The following DPP6 variants were observed in gnomAD, a reference collection of about 807,000 sequenced individuals.
DPP6 encodes dipeptidyl peptidase like 6, also known as A-type potassium channel modulatory protein DPP6.
A neutral mutation model predicts 122.6 loss-of-function variants in DPP6; 69 were observed. That is an observed-to-expected ratio of 0.56 (90% CI 0.46 to 0.69). DPP6 has a LOEUF of 0.69. DPP6 is among the 30% of genes least tolerant of loss of function. The pLI, the probability that DPP6 is intolerant of heterozygous loss-of-function variation, is 0.00. For missense variants in DPP6, 928 were observed against 1,116.9 expected, an observed-to-expected ratio of 0.83 and a Z score of 2.41; for synonymous variants, 418 against 433.1, an observed-to-expected ratio of 0.97 and a Z score of 0.43.
chr7:154,579,249 C>T (rs559202982), intron 5 of DPP6, among the ~76,000 whole-genome samples: 115 of 152,028 alleles, frequency 7.6e-4, no homozygotes, highest in Admixed American at 2.6e-3. Flanking sequence ...CTCAGGAGAC[C>T]GAGACAGGAG....
intron 1 of DPP6, among the ~76,000 whole-genome samples, chr7:154,326,486 A>C (rs1317338932): frequency 1.3e-5 from 2 of 152,202 alleles, no homozygotes; most frequent in African/African-American, 4.8e-5. Flanking sequence ...ATGCGATATG[A>C]ATATGATATG....
chr7:153,963,405 G>A (rs376218366), intron 1 of DPP6, among the ~76,000 whole-genome samples: 2 of 147,450 alleles, frequency 1.4e-5, no homozygotes, highest in South Asian at 4.4e-4. Context: ...ACCTGGAGAA[G>A]GTGCCCAGGT....
rs1554518329 is a variant in DPP6 at position 154,324,864 on chromosome 7, G to GTTATT, written c.244-121347_244-121343dup. ...CTTTCTTTCTTTCTTCTTTCCTTTT[G>GTTATT]TTATTTTTTTTTTTTTTTTGAGTCT... is the stretch of plus-strand genomic sequence containing the variant. On this transcript the variant is annotated intron_variant, in intron 1 of 25. Transcript: ENST00000377770. 1.0e-3 allele frequency among the ~76,000 whole-genome samples: 62 copies of GTTATT among 59,594 alleles called. 2 individuals are homozygous for GTTATT. The highest frequency in any genetic ancestry group is 0.01 in the Admixed American group (47 of 4,606). 39.1% of individuals were successfully genotyped at this position (59,594 alleles called of 152,430 possible). A position where few individuals can be genotyped will look rare whatever the true frequency, so the allele number is the denominator to read the frequency against.
intron 1 of DPP6, among the ~76,000 whole-genome samples, chr7:154,364,368 C>G (rs559647441): frequency 6.6e-6 from 1 of 152,176 alleles, no homozygotes; most frequent in Non-Finnish European, 1.5e-5. Flanking sequence ...ACACTTATGC[C>G]GCACTGGAGA....
At chr7:153,878,955 T>TG in the DPP6 span, among the ~76,000 whole-genome samples, 5 of 141,782 alleles carry the variant, frequency 3.5e-5, no homozygotes, top group African/African-American at 1.3e-4. Flanking sequence ...GGAGGGGAGA[T>TG]GGGAAAAAAG....
chr7:154,081,103 G>T (rs891716649), intron 1 of DPP6, among the ~76,000 whole-genome samples: 9 of 152,028 alleles, frequency 5.9e-5, no homozygotes, highest in African/African-American at 2.2e-4. Flanking sequence ...AGGGAAGAGG[G>T]TGTTGATGGA....
chr7:154,463,855 C>CCCTCT (rs1821552092), intron 2 of DPP6, among the ~76,000 whole-genome samples: 1 of 152,120 alleles, frequency 6.6e-6, no homozygotes, highest in Non-Finnish European at 1.5e-5. Flanking sequence ...CTTTTCTCTT[C>CCCTCT]CCTCTCCTCT....
At chr7:154,841,894 C>T (rs1239529527) in intron 16 of DPP6, among the ~76,000 whole-genome samples, 1 of 152,104 alleles carries the variant, frequency 6.6e-6, no homozygotes, top group East Asian at 1.9e-4. Flanking sequence ...GGGACAGCCT[C>T]AATCCCAGGT....
the DPP6 span, among the ~76,000 whole-genome samples, chr7:153,782,387 G>A: frequency 2.8e-4 from 43 of 152,142 alleles, no homozygotes; most frequent in East Asian, 6.4e-3. Flanking sequence ...TGAAGGAAGC[G>A]AACCGTGGCA....
At chr7:154,740,414 G>A (rs1842765204) in intron 8 of DPP6, among the ~76,000 whole-genome samples, 1 of 151,872 alleles carries the variant, frequency 6.6e-6, no homozygotes, top group Admixed American at 6.6e-5. Flanking sequence ...TAGGCAACAA[G>A]ACAATATGTA....
rs192501653 is a variant in DPP6, at chr7:154,112,043, T to A, written c.243+58980T>A. 1.0e-3 allele frequency among the ~76,000 whole-genome samples: 157 copies of A among 152,264 alleles called. 1 individual carries two copies. The highest frequency in any genetic ancestry group is 3.7e-3 in the African/African-American group (152 of 41,552). ...TGCCCTCCTTTACTCTCCCAGATTC[T>A]CCTTGCATGTTGGCTGGAGTGGATC... is the stretch of plus-strand genomic sequence containing the variant. On this transcript the variant is annotated intron_variant, in intron 1 of 25. Coordinates refer to ENST00000377770, the MANE Select transcript of DPP6 (RefSeq NM_130797.4).
At chr7:154,073,106 G>A (rs1803244712) in intron 1 of DPP6, among the ~76,000 whole-genome samples, 1 of 152,224 alleles carries the variant, frequency 6.6e-6, no homozygotes, top group Non-Finnish European at 1.5e-5. Context: ...TCAGCCTCAT[G>A]TCCTCTGTGG....
intron 3 of DPP6, among the ~76,000 whole-genome samples, chr7:154,538,879 C>A (rs900021100): frequency 6.6e-6 from 1 of 152,094 alleles, no homozygotes; most frequent in Admixed American, 6.6e-5. Flanking sequence ...GAAAGTATTA[C>A]CAGGAAAATA....
intron 8 of DPP6, among the ~76,000 whole-genome samples, chr7:154,764,445 T>G (rs1795779034): frequency 1.3e-5 from 2 of 152,174 alleles, no homozygotes; most frequent in Non-Finnish European, 2.9e-5. Flanking sequence ...ACTCATCACC[T>G]TTTCTCAACC....
intron 2 of DPP6, among the ~76,000 whole-genome samples, chr7:154,454,377 G>A (rs773104946): frequency 3.9e-5 from 6 of 152,172 alleles, no homozygotes; most frequent in African/African-American, 9.7e-5. Context: ...AATACTAATC[G>A]AGACTGGGTG....
chr7:153,785,174 C>G, the DPP6 span, among the ~76,000 whole-genome samples: 154 of 152,066 alleles, frequency 1.0e-3, 2 homozygotes, highest in Non-Finnish European at 4.0e-4. Flanking sequence ...CACTTAGTAA[C>G]GAGGAAAGAG....
chr7:154,678,056 A>T (rs939944949), intron 7 of DPP6, among the ~76,000 whole-genome samples: 43 of 152,284 alleles, frequency 2.8e-4, no homozygotes, highest in Middle Eastern at 3.4e-3. Context: ...AACGTTTGTA[A>T]ACGCACTGAT....
At chr7:154,401,732 C>A (rs900568327) in intron 1 of DPP6, among the ~76,000 whole-genome samples, 1 of 152,072 alleles carries the variant, frequency 6.6e-6, no homozygotes, top group East Asian at 1.9e-4. Context: ...GCAACCAAAG[C>A]CAAAATTGAC....
At chr7:154,193,554 A>C (rs531215060) in intron 1 of DPP6, among the ~76,000 whole-genome samples, 12 of 152,288 alleles carry the variant, frequency 7.9e-5, no homozygotes, top group Non-Finnish European at 1.2e-4. Context: ...GCTGAGTCTC[A>C]GGACCGCAGG....
Sources: allele counts gnomAD v4.1 joint callset (sites outside exome capture counted in the v4.1 genomes callset), GRCh38; gene constraint gnomAD v4.1.1; transcripts MANE v1.5; gene names NCBI Gene and HGNC (gene_info 2026-07-23, HGNC 2026-07-21).